CDH7: variants seen among roughly 807,000 people sequenced by gnomAD.
CDH7 encodes cadherin 7, also known as cadherin-7.
A neutral mutation model predicts 71.8 loss-of-function variants in CDH7; 25 were observed. The ratio of observed to expected loss-of-function variants is 0.35; its 90% CI spans 0.25 to 0.49. CDH7 has a LOEUF of 0.49. Among genes scored for constraint, CDH7 ranks in the 20% least tolerant of loss-of-function variants. The pLI is 0.99. For missense variants in CDH7, 862 were observed against 974.6 expected, an observed-to-expected ratio of 0.88 and a Z score of 1.54; for synonymous variants, 381 against 363.8, an observed-to-expected ratio of 1.05 and a Z score of -0.54.
intron 6 of CDH7, among the ~76,000 whole-genome samples, chr18:65,841,057 C>T (rs1912715392): frequency 6.6e-6 from 1 of 152,024 alleles, no homozygotes. Flanking sequence ...TCTTTGAAAA[C>T]TAGATCCTGG....
chr18:65,800,270 AG>A (rs1484023180), intron 2 of CDH7, among the ~76,000 whole-genome samples: 1 of 151,950 alleles, frequency 6.6e-6, no homozygotes, highest in East Asian at 1.9e-4. Flanking sequence ...TAATAGAGAC[AG>A]GGTTTCACCA....
rs372429284 is a variant in CDH7 at position 65,836,580 on chromosome 18, TA to T, written c.982-7231del. Among the ~76,000 whole-genome samples, 405 of 152,292 alleles carry T rather than the reference TA, an allele frequency of 2.7e-3. 3 individuals are homozygous for T. Among genetic ancestry groups the T allele is most frequent in the African/African-American group, 9.2e-3 (382 of 41,570 alleles). Reference sequence around the variant, plus strand: ...TTATTCATTGTATTTTGTTTCAACCTACCTTTGGAGCACTGGCACTTTCTAT... The same window carrying T: ...TTATTCATTGTATTTTGTTTCAACCTCCTTTGGAGCACTGGCACTTTCTAT... On this transcript the variant is annotated intron_variant, in intron 6 of 11. Transcript: ENST00000397968.
In CDH7 at chr18:65,760,282, C is replaced by G. The variant is rs543212367; in HGVS notation, c.-196-2365C>G. Among the ~76,000 whole-genome samples the G allele has an allele frequency of 1.5e-3, 225 of 152,268 alleles. 1 individual carries two copies. The highest frequency in any genetic ancestry group is 2.4e-3 in the Non-Finnish European group (163 of 68,020). On this transcript the variant is annotated intron_variant, in intron 1 of 11. Transcript: ENST00000397968. ...AGATGAGAGACTTAAGGTTTTATCT[C>G]TGGAACGTCTTAGAATTTAACTTAT... is the stretch of plus-strand genomic sequence containing the variant.
chr18:65,782,230 C>T (rs1302758570), intron 2 of CDH7, among the ~76,000 whole-genome samples: 5 of 149,688 alleles, frequency 3.3e-5, no homozygotes, highest in South Asian at 2.1e-4. Flanking sequence ...GCAGTGGCAC[C>T]GTCTAGGCTC....
chr18:65,859,080 G>T (rs778588459), intron 9 of CDH7, 34 bp downstream of exon 9: 1 of 1,601,942 alleles, frequency 6.2e-7, no homozygotes, highest in Non-Finnish European at 8.5e-7. Flanking sequence ...CTTCTAATTT[G>T]TGGTTTCTTA....
chr18:65,829,224 A>G (rs1045372664), intron 6 of CDH7, among the ~76,000 whole-genome samples: 1 of 151,882 alleles, frequency 6.6e-6, no homozygotes, highest in East Asian at 1.9e-4. Context: ...GGTTCACGCC[A>G]TTCTCCTGCC....
intron 11 of CDH7, among the ~76,000 whole-genome samples, chr18:65,880,148 G>A (rs996179664): frequency 8.5e-5 from 13 of 152,134 alleles, no homozygotes; most frequent in East Asian, 1.9e-4. Flanking sequence ...TGGAGGTTAC[G>A]TTAAAGAGGA....
intron 6 of CDH7, among the ~76,000 whole-genome samples, chr18:65,832,825 GAA>G (rs1287501090): frequency 1.3e-5 from 2 of 151,676 alleles, no homozygotes; most frequent in Non-Finnish European, 2.9e-5. Context: ...TTAATATATG[GAA>G]GTCTTTCCTC....
chr18:65,814,947 A>G lies in CDH7; in HGVS notation c.625+343A>G, dbSNP rs116491949. ...CACATGGGAAATTATACATGGTAAT[A>G]TTTATATCTCAAGTAGAAACCTCTC... On this transcript the variant is annotated intron_variant, in intron 4 of 11. Transcript: ENST00000397968. Among the ~76,000 whole-genome samples, 4 of 152,262 alleles carry G rather than the reference A, an allele frequency of 2.6e-5. No individual in the cohort carries two copies. In the South Asian group the frequency reaches 8.3e-4, roughly 32 times the overall value.
intron 2 of CDH7, among the ~76,000 whole-genome samples, chr18:65,769,936 C>G (rs865891244): frequency 4.6e-5 from 7 of 152,034 alleles, no homozygotes; most frequent in Admixed American, 1.3e-4. Flanking sequence ...CTGCCAGGTT[C>G]CTTCACGGAA....
intron 2 of CDH7, among the ~76,000 whole-genome samples, chr18:65,792,185 C>CT (rs71167149): frequency 0.028 from 2,873 of 104,018 alleles, 128 homozygotes; most frequent in African/African-American, 0.058. Flanking sequence ...TGCAGCCAGT[C>CT]TTTTTTTTTT....
chr18:65,822,052 G>A (rs758568163), intron 4 of CDH7, 29 bp from the exon 5 acceptor site: 9 of 1,571,466 alleles, frequency 5.7e-6, no homozygotes, highest in Non-Finnish European at 7.9e-6. Context: ...GATTCATGAT[G>A]AGTTTTACTG....
intron 2 of CDH7, among the ~76,000 whole-genome samples, chr18:65,789,987 T>C (rs926991304): frequency 2.0e-5 from 3 of 151,358 alleles, no homozygotes; most frequent in South Asian, 2.1e-4. Context: ...CCCAGCACTT[T>C]GGGAGGCCAA....
chr18:65,781,868 C>CTTTCTA (rs1158204834), intron 2 of CDH7, among the ~76,000 whole-genome samples: 2 of 65,594 alleles, frequency 3.0e-5, no homozygotes, highest in African/African-American at 5.5e-5. Context: ...CTTTCTTTCT[C>CTTTCTA]TCTCTCTCTC....
rs1913300615 is a variant in CDH7, at chr18:65,854,970, T to TAC, written c.1236-2840_1236-2839dup. 2.0e-5 allele frequency among the ~76,000 whole-genome samples: 3 copies of TAC among 151,354 alleles called. No homozygotes were observed. In the South Asian group the frequency reaches 6.2e-4, roughly 31 times the overall value. ...ATATACACACACACACACACATAGA[T>TAC]ACACACATAACCCTGTTCTAAGTAA... is the stretch of plus-strand genomic sequence containing the variant. On this transcript the variant is annotated intron_variant, in intron 7 of 11. Coordinates refer to ENST00000397968, the MANE Select transcript of CDH7 (RefSeq NM_004361.5).
chr18:65,783,501 A>G (rs1281639356), intron 2 of CDH7, among the ~76,000 whole-genome samples: 2 of 152,234 alleles, frequency 1.3e-5, no homozygotes, highest in Non-Finnish European at 2.9e-5. Context: ...AAGTTAATCT[A>G]CAAATGACCA....
At position 65,818,562 on chromosome 18, in the gene CDH7, A is replaced by G. The variant is rs575895210; in HGVS notation, c.626-3519A>G. Among the ~76,000 whole-genome samples the G allele has an allele frequency of 2.2e-4, 34 of 152,336 alleles. No individual in the cohort carries two copies. The East Asian group carries it at 6.4e-3, about 28-fold the overall frequency. Reference sequence around the variant, plus strand: ...ATATTTCTAAACATCATGTAACGTAACACTCATTGATATAATGTAAAACAG... The same window carrying G: ...ATATTTCTAAACATCATGTAACGTAGCACTCATTGATATAATGTAAAACAG... On this transcript the variant is annotated intron_variant, in intron 4 of 11. Transcript: ENST00000397968.
chr18:65,846,265 A>T, intron 7 of CDH7, among the ~76,000 whole-genome samples: 1 of 152,056 alleles, frequency 6.6e-6, no homozygotes, highest in Admixed American at 6.6e-5. Flanking sequence ...CTGATTTTGG[A>T]AGTAAAAATC....
rs59015351 is a variant in CDH7 at position 65,850,317 on chromosome 18, C to A, written c.1235+6252C>A. Among the ~76,000 whole-genome samples, 479 of 151,186 alleles carry A rather than the reference C, an allele frequency of 3.2e-3. 3 individuals carry two copies. Among genetic ancestry groups the A allele is most frequent in the African/African-American group, 0.011 (442 of 41,276 alleles). ...AATATTACTTTTTATCATGTACTAT[C>A]CTCTTAACATTCTTTAATTATAATC... is the stretch of plus-strand genomic sequence containing the variant. On this transcript the variant is annotated intron_variant, in intron 7 of 11. Transcript: ENST00000397968.
Sources: gnomAD v4.1 joint callset for allele counts (sites outside exome capture counted in the v4.1 genomes callset) on GRCh38, gnomAD v4.1.1 for gene constraint, MANE v1.5 for transcripts, NCBI Gene and HGNC (gene_info 2026-07-23, HGNC 2026-07-21) for gene names.